The following CTSD variants were observed in gnomAD, a reference collection of about 807,000 sequenced individuals.
The protein encoded by CTSD is ceroid-lipofuscinosis, neuronal 10.
Under a neutral mutation model 43.6 loss-of-function variants are expected in CTSD, and 28 were observed. The ratio of observed to expected loss-of-function variants is 0.64; its 90% CI spans 0.48 to 0.88. The LOEUF is 0.88. Among genes scored for constraint, CTSD ranks in the 40% least tolerant of loss-of-function variants. CTSD has a pLI of 0.00. For synonymous variants in CTSD, 270 were observed against 249.8 expected, an observed-to-expected ratio of 1.08 and a Z score of -0.76; for missense variants, 485 against 555.2, an observed-to-expected ratio of 0.87 and a Z score of 1.27.
Position 1,756,196 on chromosome 11 carries a change from G to A in CTSD, c.704+1128C>T, listed in dbSNP as rs188658620. Among the ~76,000 whole-genome samples the A allele has an allele frequency of 6.6e-5, 10 of 152,138 alleles. No individual in the cohort carries two copies. The East Asian group carries it at 1.8e-3, about 27-fold the overall frequency. On this transcript the variant is annotated intron_variant, in intron 5 of 8. Transcript: ENST00000236671. Reference sequence around the variant, plus strand: ...GCCTGTGTCCCCCTCCCTGACCTGGGTACTCAGGCTGTGTGCCCCCTCCCC... The same window carrying A: ...GCCTGTGTCCCCCTCCCTGACCTGGATACTCAGGCTGTGTGCCCCCTCCCC...
Position 1,753,677 on chromosome 11 carries a change from CG to C in CTSD, c.1072-8del. The C allele has an allele frequency of 6.2e-7, 1 of 1,612,644 alleles. No homozygotes were observed. The highest frequency in any genetic ancestry group is 8.5e-7 in the Non-Finnish European group (1 of 1,179,778). Reference sequence around the variant, plus strand: ...TCTTCCCGGCCTGCGACACCTGGGACGGCCCTGGTGGTCAGTACCCAGGCCT... The same window carrying C: ...TCTTCCCGGCCTGCGACACCTGGGACGCCCTGGTGGTCAGTACCCAGGCCT... On this transcript the variant is annotated splice_region_variant and splice_polypyrimidine_tract_variant and intron_variant, in intron 8 of 8. Transcript: ENST00000236671.
At position 1,753,333 on chromosome 11, in the gene CTSD, G is replaced by GA. The variant is rs1845750556; in HGVS notation, c.*169dup. ...GCAGCATTTCTGAACCCAGGGAGGGGAAAACCACAGAACAAAACAGCAAGT... is the reference window on the plus strand; with the variant it reads ...GCAGCATTTCTGAACCCAGGGAGGGGAAAAACCACAGAACAAAACAGCAAGT... On this transcript the variant is annotated 3_prime_UTR_variant, in exon 9 of 9. Transcript: ENST00000236671. 1.3e-6 allele frequency: 1 copy of GA among 745,638 alleles called. No homozygotes were observed. The highest frequency in any genetic ancestry group is 1.7e-5 in the African/African-American group (1 of 57,634). 46.2% of individuals were successfully genotyped at this position (745,638 alleles called of 1,614,324 possible).
At chr11:1,758,621 G>A (rs1328578812) in intron 4 of CTSD, among the ~76,000 whole-genome samples, 2 of 152,094 alleles carry the variant, frequency 1.3e-5, no homozygotes, top group East Asian at 1.9e-4. Context: ...TCGGCCTGCT[G>A]CAGGGACCCT....
At chr11:1,759,138 G>T (rs375700828) in intron 3 of CTSD, 51 bp from the exon 4 acceptor site, 1 of 1,349,414 alleles carries the variant, frequency 7.4e-7, no homozygotes, top group South Asian at 1.2e-5. Context: ...CCCACGCCAC[G>T]GCCTTAGCCC....
rs572647829 is a variant in CTSD at position 1,753,522 on chromosome 11, G to A, written c.1220C>T (p.Ala407Val). The A allele has an allele frequency of 3.7e-6, 6 of 1,612,982 alleles. No individual in the cohort carries two copies. In the South Asian group the frequency reaches 6.6e-5, roughly 18 times the overall value. Residue 407 changes from alanine (A) to valine (V), a missense_variant, in exon 9 of 9, where the codon GCC (alanine) becomes GTC (valine). Ala to Val is a moderately conservative substitution (Grantham distance 64). Transcript: ENST00000236671. Reference protein sequence around the residue: ...FDRDNNRVGFAEAARL With the variant: ...FDRDNNRVGFVEAARL ...TGGGAACTAGAGGCGGGCAGCCTCGGCGAAGCCCACCCTGTTGTTGTCACG... is the reference window on the plus strand; with the variant it reads ...TGGGAACTAGAGGCGGGCAGCCTCGACGAAGCCCACCCTGTTGTTGTCACG...
intron 2 of CTSD, 87 bp from the exon 3 acceptor site, chr11:1,759,726 A>C: frequency 7.1e-7 from 1 of 1,402,608 alleles, no homozygotes; most frequent in Non-Finnish European, 9.6e-7. Context: ...CCCCAGAGCC[A>C]AGGCCCATAC....
Position 1,758,953 on chromosome 11 carries a change from C to T in CTSD, c.471+16G>A, listed in dbSNP as rs567387961. On this transcript the variant is annotated intron_variant, in intron 4 of 8. Transcript: ENST00000236671. ...TGGCACCCTCGAGTCCTGGGAAAGG[C>T]CCCAGAGGGACTCACCGACACAGTG... 91 of 1,556,190 alleles carry T rather than the reference C, an allele frequency of 5.8e-5. 1 individual carries two copies. The South Asian group carries it at 9.3e-4, about 16-fold the overall frequency.
intron 3 of CTSD, 31 bp from the exon 4 acceptor site, chr11:1,759,118 C>G (rs1029087004): frequency 6.6e-7 from 1 of 1,506,126 alleles, no homozygotes; most frequent in African/African-American, 1.4e-5. Flanking sequence ...GCCCGCCGGT[C>G]ATCCCGCAGC....
intron 4 of CTSD, 140 bp downstream of exon 4, chr11:1,758,829 C>G (rs532818658): frequency 2.6e-6 from 2 of 762,740 alleles, no homozygotes; most frequent in East Asian, 4.9e-5. Flanking sequence ...CCCCTCCTCA[C>G]CCTGCTGACT....
At position 1,755,159 on chromosome 11, in the gene CTSD, G is replaced by A. The variant is rs1845795018; in HGVS notation, c.705-131C>T. 4 of 1,104,308 alleles carry A rather than the reference G, an allele frequency of 3.6e-6. No homozygotes were observed. The Admixed American group carries it at 5.3e-5, about 15-fold the overall frequency. 68.4% of individuals were successfully genotyped at this position (1,104,308 alleles called of 1,614,324 possible). A position where few individuals can be genotyped will look rare whatever the true frequency, so the allele number is the denominator to read the frequency against. The stretch of plus-strand genomic sequence containing the variant: ...GGAGGGGCCTTTCTGAAACTGCAGG[G>A]ATGGAAAGGCCCAGAAGGCAGGAGG... On this transcript the variant is annotated intron_variant, in intron 5 of 8. Transcript: ENST00000236671.
intron 1 of CTSD, chr11:1,762,030 C>G (rs138017856): frequency 0.011 from 2,079 of 192,384 alleles, 16 homozygotes; most frequent in Non-Finnish European, 0.016. Context: ...GATGGGCCCT[C>G]CACACCACCT....
intron 5 of CTSD, 91 bp from the exon 6 acceptor site, chr11:1,755,119 G>A: frequency 6.6e-7 from 1 of 1,509,602 alleles, no homozygotes; most frequent in Non-Finnish European, 9.2e-7. Flanking sequence ...TGGCAATCAG[G>A]GAGAGCTTCC....
intron 2 of CTSD, chr11:1,760,931 A>G: frequency 3.1e-6 from 1 of 325,202 alleles, no homozygotes; most frequent in South Asian, 2.6e-5. Flanking sequence ...GAGAGGAAGA[A>G]GATGGGGAGG....
rs190610006 is a variant in CTSD at position 1,758,025 on chromosome 11, C to T, written c.472-469G>A. On this transcript the variant is annotated intron_variant, in intron 4 of 8. Coordinates refer to ENST00000236671, the MANE Select transcript of CTSD (RefSeq NM_001909.5). ...CCTCCCCCAGCCCTGGATGAGGCTG[C>T]AGAGAGAGAACACGGCCAGAGCAGG... is the stretch of plus-strand genomic sequence containing the variant. 5.0e-5 allele frequency: 12 copies of T among 240,474 alleles called. No individual in the cohort carries two copies. The East Asian group carries it at 1.2e-3, about 24-fold the overall frequency. 14.9% of individuals were successfully genotyped at this position (240,474 alleles called of 1,614,324 possible). A position where few individuals can be genotyped will look rare whatever the true frequency, so the allele number is the denominator to read the frequency against.
At chr11:1,755,237 T>C in intron 5 of CTSD, 1 of 640,566 alleles carries the variant, frequency 1.6e-6, no homozygotes, top group Admixed American at 2.3e-5. Context: ...GGGCCCAGCC[T>C]GGCCCAGAAG....
intron 1 of CTSD, chr11:1,761,757 C>A: frequency 2.0e-6 from 1 of 508,450 alleles, no homozygotes; most frequent in African/African-American, 1.9e-5. Context: ...CAACCCTCCT[C>A]TCCTCAGCCA....
chr11:1,754,569 A>G (rs377122879), intron 6 of CTSD, among the ~76,000 whole-genome samples: 378 of 17,058 alleles, frequency 0.022, 3 homozygotes, highest in African/African-American at 0.03. Flanking sequence ...GGGATGGAGG[A>G]GATGGAGGGT....
At chr11:1,763,496 CCCCGT>C in intron 1 of CTSD, 2 of 414,420 alleles carry the variant, frequency 4.8e-6, no homozygotes. Flanking sequence ...CCCCGCCCCG[CCCCGT>C]CTCCAGGGAG....
Position 1,759,658 on chromosome 11 carries a change from C to T in CTSD, c.229-19G>A, listed in dbSNP as rs368152533. On this transcript the variant is annotated intron_variant, in intron 2 of 8. Transcript: ENST00000236671. ...ACTGGGCCTGGCAGGGGACAGGGTC[C>T]GTCAGGGATGGGAGAGGGGGCCCCA... is the stretch of plus-strand genomic sequence containing the variant. 15 of 1,606,856 alleles carry T rather than the reference C, an allele frequency of 9.3e-6. No homozygotes were observed. The highest frequency in any genetic ancestry group is 5.0e-5 in the Admixed American group (3 of 59,728).
Sources: allele counts gnomAD v4.1 joint callset (sites outside exome capture counted in the v4.1 genomes callset), GRCh38; gene constraint gnomAD v4.1.1; transcripts MANE v1.5; gene names NCBI Gene and HGNC (gene_info 2026-07-23, HGNC 2026-07-21).